Variants in ROBO2 observed in about 807,000 individuals in gnomAD.
ROBO2 encodes the protein roundabout guidance receptor 2.
Under a neutral mutation model 160.8 loss-of-function variants are expected in ROBO2, and 53 were observed. The observed-to-expected ratio is 0.33, with a 90% confidence interval of 0.26 to 0.41. ROBO2 has a LOEUF of 0.41. Among genes scored for constraint, ROBO2 ranks in the 10% least tolerant of loss-of-function variants. ROBO2 has a pLI of 1.00. For synonymous variants in ROBO2, 664 were observed against 611.7 expected, an observed-to-expected ratio of 1.09 and a Z score of -1.26; for missense variants, 1,577 against 1,722.4, an observed-to-expected ratio of 0.92 and a Z score of 1.49.
intron 2 of ROBO2, among the ~76,000 whole-genome samples, chr3:76,083,413 C>T (rs1489100): frequency 0.58 from 88,320 of 151,832 alleles, 25,900 homozygotes; most frequent in Middle Eastern, 0.71. Context: ...CAAAGTTGCA[C>T]TGGGAGTCTT....
chr3:76,210,380 A>G (rs549022432), intron 2 of ROBO2, among the ~76,000 whole-genome samples: 1 of 152,190 alleles, frequency 6.6e-6, no homozygotes, highest in African/African-American at 2.4e-5. Flanking sequence ...AATATTATAC[A>G]CACAGCATTT....
intron 2 of ROBO2, among the ~76,000 whole-genome samples, chr3:76,655,718 A>AAGGGAGAAAGGGAGGG (rs2091486026): frequency 7.0e-6 from 1 of 143,646 alleles, no homozygotes; most frequent in African/African-American, 2.5e-5. Flanking sequence ...GAAAGGGAGG[A>AAGGGAGAAAGGGAGGG]AGGGAGAAAG....
rs562443312 is a variant in ROBO2 at position 76,863,513 on chromosome 3, G to A, written c.110-234501G>A. Among the ~76,000 whole-genome samples the A allele has an allele frequency of 5.3e-5, 8 of 151,508 alleles. No homozygotes were observed. In the East Asian group the frequency reaches 7.8e-4, roughly 15 times the overall value. ...CCAAATCATTTGAGTTATCTATTAC[G>A]CCTTCCTATTCTCATAGAACAGTGT... On this transcript the variant is annotated intron_variant, in intron 2 of 26. Transcript: ENST00000487694.
chr3:77,623,304 C>T (rs1434851298), intron 23 of ROBO2, among the ~76,000 whole-genome samples: 1 of 152,156 alleles, frequency 6.6e-6, no homozygotes, highest in South Asian at 2.1e-4. Context: ...TGGGTCTTCT[C>T]AGAAGACCAC....
intron 2 of ROBO2, among the ~76,000 whole-genome samples, chr3:76,715,707 G>A (rs2093368249): frequency 6.6e-6 from 1 of 152,176 alleles, no homozygotes; most frequent in South Asian, 2.1e-4. Flanking sequence ...ATTGGCATTT[G>A]TGGGAATTGT....
intron 2 of ROBO2, among the ~76,000 whole-genome samples, chr3:76,890,658 T>C (rs2074280940): frequency 6.6e-6 from 1 of 152,208 alleles, no homozygotes; most frequent in Non-Finnish European, 1.5e-5. Context: ...GTATTTTATC[T>C]ATCACATATT....
chr3:76,817,642 C>T (rs527646377), intron 2 of ROBO2, among the ~76,000 whole-genome samples: 1 of 151,930 alleles, frequency 6.6e-6, no homozygotes, highest in East Asian at 2.0e-4. Flanking sequence ...TGTCCCTCAA[C>T]CCCCTTGCAC....
At chr3:76,377,959 G>A (rs59983448) in intron 2 of ROBO2, among the ~76,000 whole-genome samples, 13,963 of 152,046 alleles carry the variant, frequency 0.092, 1,538 homozygotes, top group African/African-American at 0.26. Context: ...CTAGGAGCAC[G>A]TGTGTGACTG....
chr3:76,718,350 C>T (rs980573485), intron 2 of ROBO2, among the ~76,000 whole-genome samples: 5 of 152,132 alleles, frequency 3.3e-5, no homozygotes, highest in East Asian at 1.9e-4. Flanking sequence ...TCATTCTCAC[C>T]GATGAATTTT....
chr3:76,676,549 G>C (rs1316899427), intron 2 of ROBO2, among the ~76,000 whole-genome samples: 2 of 151,916 alleles, frequency 1.3e-5, no homozygotes, highest in African/African-American at 4.8e-5. Context: ...GTGTGTGTAA[G>C]TGTGTGTGTG....
intron 2 of ROBO2, among the ~76,000 whole-genome samples, chr3:77,469,141 T>C (rs1327108975): frequency 6.6e-6 from 1 of 152,214 alleles, no homozygotes; most frequent in African/African-American, 2.4e-5. Context: ...AGAATTATTA[T>C]GCGATGTCAG....
chr3:76,403,566 C>T (rs1171627456), intron 2 of ROBO2, among the ~76,000 whole-genome samples: 1 of 151,472 alleles, frequency 6.6e-6, no homozygotes, highest in East Asian at 1.9e-4. Flanking sequence ...GTTCTGCATT[C>T]TTCTTAACCA....
intron 2 of ROBO2, among the ~76,000 whole-genome samples, chr3:76,372,560 T>A (rs1189332772): frequency 6.6e-6 from 1 of 151,972 alleles, no homozygotes; most frequent in Non-Finnish European, 1.5e-5. Context: ...CATCTACATC[T>A]ATAACAGATA....
intron 2 of ROBO2, among the ~76,000 whole-genome samples, chr3:76,249,151 G>A (rs1305219024): frequency 2.6e-5 from 4 of 152,008 alleles, no homozygotes; most frequent in African/African-American, 9.7e-5. Context: ...GTTGAACTTC[G>A]TGAAATATTA....
intron 2 of ROBO2, among the ~76,000 whole-genome samples, chr3:76,895,604 C>T (rs2074706895): frequency 1.3e-5 from 2 of 151,988 alleles, no homozygotes; most frequent in Admixed American, 6.6e-5. Context: ...GTAGTAGACA[C>T]CTTCAGAAAA....
At chr3:77,247,589 A>C (rs1337146234) in intron 2 of ROBO2, among the ~76,000 whole-genome samples, 1 of 152,180 alleles carries the variant, frequency 6.6e-6, no homozygotes, top group African/African-American at 2.4e-5. Context: ...AGTAAGAGTA[A>C]TTGTATCAGT....
At chr3:77,483,367 G>T (rs1343619481) in intron 4 of ROBO2, among the ~76,000 whole-genome samples, 2 of 149,650 alleles carry the variant, frequency 1.3e-5, no homozygotes, top group Admixed American at 6.7e-5. Flanking sequence ...GAACATAAAA[G>T]AAAAAAAAAC....
chr3:76,431,173 T>G (rs531742410), intron 2 of ROBO2, among the ~76,000 whole-genome samples: 1 of 152,248 alleles, frequency 6.6e-6, no homozygotes, highest in Admixed American at 6.5e-5. Context: ...AGAAGTATAC[T>G]GTGTAAATAT....
intron 2 of ROBO2, among the ~76,000 whole-genome samples, chr3:76,980,056 A>G (rs1268321418): frequency 6.6e-6 from 1 of 152,190 alleles, no homozygotes; most frequent in Non-Finnish European, 1.5e-5. Context: ...ATCTGGTACC[A>G]TACTGCAGGA....
Sources: allele counts gnomAD v4.1 joint callset (sites outside exome capture counted in the v4.1 genomes callset), GRCh38; gene constraint gnomAD v4.1.1; transcripts MANE v1.5; gene names NCBI Gene and HGNC (gene_info 2026-07-23, HGNC 2026-07-21).